Variants in DIP2C observed in about 807,000 individuals in gnomAD.
The protein encoded by DIP2C is DIP2 acetate--CoA ligase C (putative).
In DIP2C, 33 loss-of-function variants were observed where a neutral mutation model predicts 192.4. The observed-to-expected ratio is 0.17, with a 90% confidence interval of 0.13 to 0.23. DIP2C has a LOEUF of 0.23. Ranked by LOEUF, DIP2C falls within the 10% of genes least tolerant of loss-of-function variation. The probability of loss-of-function intolerance (pLI) is 1.00; values close to 1 mark genes in which losing one functional copy is unlikely to be tolerated. For missense variants in DIP2C, 1,537 were observed against 2,110.1 expected (o/e 0.73, Z 5.32); for synonymous variants, 979 against 864.1 (o/e 1.13, Z -2.33).
intron 1 of DIP2C, among the ~76,000 whole-genome samples, chr10:619,620 G>GT (rs1393599910): frequency 6.8e-6 from 1 of 146,076 alleles, no homozygotes; most frequent in East Asian, 2.1e-4. Flanking sequence ...TGTGCAAGGG[G>GT]TAAGTGCCCA....
At chr10:345,430 C>T (rs962304815) in intron 26 of DIP2C, among the ~76,000 whole-genome samples, 8 of 151,404 alleles carry the variant, frequency 5.3e-5, no homozygotes, top group Middle Eastern at 3.2e-3. Flanking sequence ...CACACACACA[C>T]ACCCAGACAC....
In DIP2C at chr10:417,923, T is replaced by TG. The variant is rs1564686079; in HGVS notation, c.739+1141_739+1142insC. Among the ~76,000 whole-genome samples, 33 of 25,968 alleles carry TG rather than the reference T, an allele frequency of 1.3e-3. 1 individual carries two copies. Among genetic ancestry groups the TG allele is most frequent in the Non-Finnish European group, 2.0e-3 (21 of 10,342 alleles). 17.0% of individuals were successfully genotyped at this position (25,968 alleles called of 152,430 possible). On this transcript the variant is annotated intron_variant, in intron 6 of 36. Transcript: ENST00000280886. ...TCGGATAGGCCTCCCTGTCCACCTG[T>TG]TCCTGTCAGGGCTTCGATAGGCCTC...
intron 1 of DIP2C, among the ~76,000 whole-genome samples, chr10:491,754 A>T (rs537983674): frequency 6.6e-6 from 1 of 152,280 alleles, no homozygotes; most frequent in South Asian, 2.1e-4. Flanking sequence ...ATCTTTAAAA[A>T]AAGTTCAACA....
At chr10:338,969 C>G (rs964581403) in intron 29 of DIP2C, among the ~76,000 whole-genome samples, 2 of 152,136 alleles carry the variant, frequency 1.3e-5, no homozygotes, top group African/African-American at 2.4e-5. Context: ...CTGGCTCCCA[C>G]AGCCCACGCC....
intron 1 of DIP2C, among the ~76,000 whole-genome samples, chr10:615,138 G>A (rs569184330): frequency 4.4e-4 from 67 of 152,372 alleles, no homozygotes; most frequent in Non-Finnish European, 8.1e-4. Context: ...CGACACACGT[G>A]ACACTTCTCG....
intron 12 of DIP2C, 37 bp from the exon 13 acceptor site, chr10:390,130 C>G (rs537496062): frequency 6.3e-7 from 1 of 1,599,170 alleles, no homozygotes; most frequent in South Asian, 1.1e-5. Flanking sequence ...GTGGGGCTGA[C>G]AGGTCACGGC....
At chr10:404,375 A>AT (rs748707657) in intron 9 of DIP2C, among the ~76,000 whole-genome samples, 60 of 151,844 alleles carry the variant, frequency 4.0e-4, no homozygotes, top group Middle Eastern at 3.2e-3. Context: ...CACTCAGCCA[A>AT]TTTTTTTCTA....
chr10:277,940 G>A (rs1240338679), intron 36 of DIP2C, among the ~76,000 whole-genome samples: 2 of 152,236 alleles, frequency 1.3e-5, no homozygotes, highest in Admixed American at 6.5e-5. Flanking sequence ...ACAGTGCAGT[G>A]TGCCATCAGC....
intron 18 of DIP2C, among the ~76,000 whole-genome samples, chr10:368,482 C>A (rs1272937991): frequency 3.3e-5 from 5 of 152,188 alleles, no homozygotes; most frequent in Non-Finnish European, 7.4e-5. Context: ...TGCGGGGATG[C>A]TGGAGGGCGT....
chr10:540,807 C>T (rs1847939843), intron 1 of DIP2C, among the ~76,000 whole-genome samples: 1 of 152,206 alleles, frequency 6.6e-6, no homozygotes, highest in Admixed American at 6.5e-5. Context: ...ATCCTCAGAG[C>T]AATCATGAAA....
chr10:394,281 A>G (rs113023978), intron 10 of DIP2C, among the ~76,000 whole-genome samples: 3 of 152,248 alleles, frequency 2.0e-5, no homozygotes, highest in African/African-American at 4.8e-5. Context: ...ATTACGTCAC[A>G]CAGTGGGCGC....
At chr10:292,968 G>A (rs375415654) in intron 32 of DIP2C, among the ~76,000 whole-genome samples, 3 of 152,334 alleles carry the variant, frequency 2.0e-5, no homozygotes, top group East Asian at 1.9e-4. Flanking sequence ...CCCAGCTCTG[G>A]AGACGTCAAA....
chr10:548,911 CAAAAAA>C (rs61437915), intron 1 of DIP2C, among the ~76,000 whole-genome samples: 173 of 26,460 alleles, frequency 6.5e-3, no homozygotes, highest in African/African-American at 0.018. Context: ...TAGCAGCTCA[CAAAAAA>C]AAAAAAAAAA....
chr10:635,526 G>A (rs1016270270), intron 1 of DIP2C, among the ~76,000 whole-genome samples: 25 of 152,242 alleles, frequency 1.6e-4, no homozygotes, highest in African/African-American at 6.0e-4. Context: ...GCCCATGGGG[G>A]CCTGGGCGAG....
chr10:277,150 C>G lies in DIP2C; in HGVS notation c.*175G>C. 2 of 902,810 alleles carry G rather than the reference C, an allele frequency of 2.2e-6. No individual in the cohort carries two copies. Among genetic ancestry groups the G allele is most frequent in the Non-Finnish European group, 3.2e-6 (2 of 617,418 alleles). 55.9% of individuals were successfully genotyped at this position (902,810 alleles called of 1,614,324 possible). On this transcript the variant is annotated 3_prime_UTR_variant, in exon 37 of 37. Coordinates refer to ENST00000280886, the MANE Select transcript of DIP2C (RefSeq NM_014974.3). Reference sequence around the variant, plus strand: ...AATTCAGTGGTAAATTCACATTTCACCCCCATGCCAATCGTGGCTGCTGTG... The same window carrying G: ...AATTCAGTGGTAAATTCACATTTCAGCCCCATGCCAATCGTGGCTGCTGTG...
chr10:285,388 G>A (rs1407863643), intron 34 of DIP2C, among the ~76,000 whole-genome samples: 1 of 152,182 alleles, frequency 6.6e-6, no homozygotes, highest in African/African-American at 2.4e-5. Flanking sequence ...GAAGGGGGGC[G>A]CCTCATGGGA....
chr10:292,052 C>T (rs1030179401), intron 32 of DIP2C, among the ~76,000 whole-genome samples: 1 of 152,224 alleles, frequency 6.6e-6, no homozygotes, highest in Non-Finnish European at 1.5e-5. Context: ...GCCATTGTGC[C>T]GAGGCTGGCG....
In DIP2C at chr10:529,637, G is replaced by C. The variant is rs1847256219; in HGVS notation, c.86-43107C>G. Among the ~76,000 whole-genome samples, 3 of 152,210 alleles carry C rather than the reference G, an allele frequency of 2.0e-5. No individual in the cohort carries two copies. The South Asian group carries it at 6.2e-4, about 31-fold the overall frequency. On this transcript the variant is annotated intron_variant, in intron 1 of 36. Coordinates refer to ENST00000280886, the MANE Select transcript of DIP2C (RefSeq NM_014974.3). ...CACAAACGATCAGGGTGGGAGGGCAGCTGCAGCAGCACCTGGCTCCGTTGC... is the reference window on the plus strand; with the variant it reads ...CACAAACGATCAGGGTGGGAGGGCACCTGCAGCAGCACCTGGCTCCGTTGC...
chr10:340,724 C>G (rs865811943), intron 29 of DIP2C: 1 of 456,498 alleles, frequency 2.2e-6, no homozygotes, highest in Non-Finnish European at 4.4e-6. Context: ...GGCTCCGAGC[C>G]GGCTGCTGGG....
Sources: gnomAD v4.1 joint callset for allele counts (sites outside exome capture counted in the v4.1 genomes callset) on GRCh38, gnomAD v4.1.1 for gene constraint, MANE v1.5 for transcripts, NCBI Gene and HGNC (gene_info 2026-07-23, HGNC 2026-07-21) for gene names.